Variants in GPR37 observed in about 807,000 individuals in gnomAD.
GPR37 encodes the protein prosaposin receptor GPR37.
GPR37 carries 20 observed loss-of-function variants against 43.6 expected under a neutral mutation model. The observed-to-expected ratio is 0.46, with a 90% confidence interval of 0.32 to 0.67. The LOEUF (loss-of-function observed/expected upper bound fraction) is 0.67, where lower values mean the gene tolerates loss of function less well. Ranked by LOEUF, GPR37 falls within the 30% of genes least tolerant of loss-of-function variation. The pLI is 0.03. For missense variants in GPR37, 724 were observed against 797.2 expected (o/e 0.91, Z 1.11); for synonymous variants, 315 against 322.6 (o/e 0.98, Z 0.25).
chr7:124,755,525 T>A (rs904640292), intron 1 of GPR37, among the ~76,000 whole-genome samples: 6 of 150,672 alleles, frequency 4.0e-5, no homozygotes, highest in Middle Eastern at 3.4e-3. Flanking sequence ...TAAGGTTTGT[T>A]ACCAATTATG....
chr7:124,753,402 A>T (rs1021084426), intron 1 of GPR37, among the ~76,000 whole-genome samples: 1 of 152,124 alleles, frequency 6.6e-6, no homozygotes, highest in African/African-American at 2.4e-5. Context: ...CCAGATGTTC[A>T]ATATTCAAGC....
chr7:124,760,291 G>C (rs1296076094), intron 1 of GPR37, among the ~76,000 whole-genome samples: 1 of 152,090 alleles, frequency 6.6e-6, no homozygotes, highest in Non-Finnish European at 1.5e-5. Context: ...ATTTTTAAAA[G>C]TCTTGAGGTC....
At chr7:124,761,440 G>C (rs528828934) in intron 1 of GPR37, among the ~76,000 whole-genome samples, 6 of 152,176 alleles carry the variant, frequency 3.9e-5, no homozygotes, top group Non-Finnish European at 8.8e-5. Flanking sequence ...CTCAATTTGG[G>C]ATATGGCTGC....
At position 124,764,374 on chromosome 7, in the gene GPR37, G is replaced by T; in HGVS notation, c.603C>A (p.Ala201=). ...GSHHKPLSKT[A]NGLAGHEGWT... ...ACCCTTCGTGCCCCGCCAGTCCATT[G>T]GCCGTCTTGGACAGGGGCTTGTGGT... The change falls in exon 1 of 2, where the codon GCC becomes GCA. Residue 201 remains alanine (A), a synonymous_variant. Transcript: ENST00000303921. The surrounding 1 kb of genome is among the most constrained non-coding windows in gnomAD (Gnocchi z 5.4). The T allele has an allele frequency of 6.2e-7, 1 of 1,613,686 alleles. No individual in the cohort carries two copies. The highest frequency in any genetic ancestry group is 8.5e-7 in the Non-Finnish European group (1 of 1,180,014).
chr7:124,763,245 AT>A (rs1217552770), intron 1 of GPR37, among the ~76,000 whole-genome samples: 2 of 152,240 alleles, frequency 1.3e-5, no homozygotes. Flanking sequence ...TAAACAAATT[AT>A]GTGCCACGCT....
At chr7:124,750,556 T>C (rs1057200253) in intron 1 of GPR37, among the ~76,000 whole-genome samples, 3 of 152,176 alleles carry the variant, frequency 2.0e-5, no homozygotes, top group Non-Finnish European at 2.9e-5. Context: ...GCACAAAAGA[T>C]AGCATCTTCT....
intron 1 of GPR37, among the ~76,000 whole-genome samples, chr7:124,752,490 AGAGAG>A (rs1456961373): frequency 6.6e-6 from 1 of 152,178 alleles, no homozygotes; most frequent in Non-Finnish European, 1.5e-5. Context: ...TCTACTAGGC[AGAGAG>A]GATTGACTAA....
intron 1 of GPR37, among the ~76,000 whole-genome samples, chr7:124,752,146 G>A (rs919682162): frequency 6.6e-6 from 1 of 152,094 alleles, no homozygotes; most frequent in Non-Finnish European, 1.5e-5. Context: ...CACATGTGGA[G>A]CAGTGAGGCT....
Position 124,747,122 on chromosome 7 carries a change from C to A in GPR37, c.1245G>T (p.Pro415=), listed in dbSNP as rs775256152. 7.4e-6 allele frequency: 12 copies of A among 1,613,802 alleles called. No individual in the cohort carries two copies. Among genetic ancestry groups the A allele is most frequent in the Non-Finnish European group, 1.0e-5 (12 of 1,179,924 alleles). ...KEDLGFSGRA[P]AERCIIKISP... ...AGATCTTAATAATGCACCTTTCTGC[C>A]GGAGCTCGGCCACTAAACCCCAAAT... Residue 415 remains proline, a synonymous_variant, in exon 2 of 2, where the codon CCG becomes CCT. Coordinates refer to ENST00000303921, the MANE Select transcript of GPR37 (RefSeq NM_005302.5).
In GPR37 at chr7:124,764,324, G is replaced by A. The variant is rs1793888063; in HGVS notation, c.653C>T (p.Ala218Val). ...EGWTIALPGR[A>V]LAQNGSLGEG... ...ACCCAAGGATCCATTCTGGGCCAGCGCCCGGCCCGGGAGTGCAATTGTCCA... is the reference window on the plus strand; with the variant it reads ...ACCCAAGGATCCATTCTGGGCCAGCACCCGGCCCGGGAGTGCAATTGTCCA... Residue 218 changes from alanine to valine, a missense_variant, in exon 1 of 2, where the codon GCG (alanine) becomes GTG (valine). Coordinates refer to ENST00000303921, the MANE Select transcript of GPR37 (RefSeq NM_005302.5). This position sits in a 1 kb window ranked among gnomAD's most constrained non-coding sequence, Gnocchi z 5.4. 1.2e-6 allele frequency: 2 copies of A among 1,610,928 alleles called. No individual in the cohort carries two copies. Among genetic ancestry groups the A allele is most frequent in the Non-Finnish European group, 1.7e-6 (2 of 1,178,620 alleles).
rs1178079439 is a variant in GPR37, at chr7:124,765,170, C to T, written c.-194G>A. 6.2e-6 allele frequency: 3 copies of T among 487,752 alleles called. No homozygotes were observed. The highest frequency in any genetic ancestry group is 7.0e-6 in the Non-Finnish European group (2 of 284,934). 30.2% of individuals were successfully genotyped at this position (487,752 alleles called of 1,614,324 possible). On this transcript the variant is annotated 5_prime_UTR_variant, in exon 1 of 2. Coordinates refer to ENST00000303921, the MANE Select transcript of GPR37 (RefSeq NM_005302.5). ...CACACGCCCCCTATAATCCTTCCTCCTTTGGCATCTTGTGCATTTCTCAGC... is the reference window on the plus strand; with the variant it reads ...CACACGCCCCCTATAATCCTTCCTCTTTTGGCATCTTGTGCATTTCTCAGC...
intron 1 of GPR37, among the ~76,000 whole-genome samples, chr7:124,749,380 A>C (rs1179974373): frequency 6.6e-6 from 1 of 152,116 alleles, no homozygotes; most frequent in Non-Finnish European, 1.5e-5. Context: ...AAGGTTTAAG[A>C]AGCATGGTTA....
At chr7:124,763,374 AAG>A (rs1793871917) in intron 1 of GPR37, among the ~76,000 whole-genome samples, 1 of 152,232 alleles carries the variant, frequency 6.6e-6, no homozygotes, top group Non-Finnish European at 1.5e-5. Flanking sequence ...GATAGCATGG[AAG>A]ACAGTCAGAC....
chr7:124,751,300 C>T (rs1793727459), intron 1 of GPR37, among the ~76,000 whole-genome samples: 1 of 152,088 alleles, frequency 6.6e-6, no homozygotes. Flanking sequence ...CTCTCTCCTG[C>T]TGCCACTGCC....
intron 1 of GPR37, among the ~76,000 whole-genome samples, chr7:124,751,924 T>C (rs999382185): frequency 6.6e-6 from 1 of 152,118 alleles, no homozygotes; most frequent in Non-Finnish European, 1.5e-5. Flanking sequence ...GACTATTAAT[T>C]TTGATAATTT....
chr7:124,750,037 CACATTGTACA>C (rs1793714556), intron 1 of GPR37, among the ~76,000 whole-genome samples: 1 of 152,030 alleles, frequency 6.6e-6, no homozygotes, highest in African/African-American at 2.4e-5. Flanking sequence ...AAATGAGGTC[CACATTGTACA>C]ACTGTCTTAT....
Position 124,764,213 on chromosome 7 carries a change from G to C in GPR37, c.764C>G (p.Thr255Ser). 6.3e-7 allele frequency: 1 copy of C among 1,593,796 alleles called. No homozygotes were observed. The highest frequency in any genetic ancestry group is 8.5e-7 in the Non-Finnish European group (1 of 1,169,846). Residue 255 changes from threonine to serine, a missense_variant, in exon 1 of 2, where the codon ACC (threonine) becomes AGC (serine). Coordinates refer to ENST00000303921, the MANE Select transcript of GPR37 (RefSeq NM_005302.5). The surrounding 1 kb of genome is among the most constrained non-coding windows in gnomAD (Gnocchi z 5.4). ...VRLKNPFYPL[T>S]QESYGAYAVM... ...CGCGTAGGCTCCATAGGACTCCTGG[G>C]TCAGCGGGTAGAAGGGGTTCTTCAG...
At chr7:124,752,897 T>C (rs1019366127) in intron 1 of GPR37, among the ~76,000 whole-genome samples, 5 of 152,060 alleles carry the variant, frequency 3.3e-5, no homozygotes, top group African/African-American at 1.2e-4. Flanking sequence ...GAAAGAGAAC[T>C]TGAAGACCAC....
intron 1 of GPR37, among the ~76,000 whole-genome samples, chr7:124,752,137 A>T (rs1793741272): frequency 6.6e-6 from 1 of 152,090 alleles, no homozygotes; most frequent in South Asian, 2.1e-4. Flanking sequence ...CACCCAGCCC[A>T]CATGTGGAGC....
Sources: gnomAD v4.1 joint callset for allele counts (sites outside exome capture counted in the v4.1 genomes callset) on GRCh38, gnomAD v4.1.1 for gene constraint, Gnocchi (gnomAD v3.1) non-coding constraint, MANE v1.5 for transcripts, NCBI Gene and HGNC (gene_info 2026-07-23, HGNC 2026-07-21) for gene names.